The following CNTN5 variants were observed in gnomAD, a reference collection of about 807,000 sequenced individuals.
The protein encoded by CNTN5 is contactin 5.
CNTN5 carries 77 observed loss-of-function variants against 129.1 expected under a neutral mutation model. The observed-to-expected ratio is 0.60, with a 90% CI of 0.50 to 0.72. The LOEUF (loss-of-function observed/expected upper bound fraction) is 0.72. Among genes scored for constraint, CNTN5 ranks in the 30% least tolerant of loss-of-function variants. CNTN5 has a pLI of 0.00. For synonymous variants in CNTN5, 509 were observed against 465.6 expected, an observed-to-expected ratio of 1.09 and a Z score of -1.20; for missense variants, 1,478 against 1,328.8, an observed-to-expected ratio of 1.11 and a Z score of -1.75.
intron 1 of CNTN5, among the ~76,000 whole-genome samples, chr11:99,082,629 C>G (rs1216109448): frequency 6.6e-6 from 1 of 152,098 alleles, no homozygotes; most frequent in Admixed American, 6.5e-5. Context: ...AATTCTTTGG[C>G]CTGTGAGTTT....
At chr11:99,860,060 C>T (rs540367142) in intron 6 of CNTN5, among the ~76,000 whole-genome samples, 127 of 152,154 alleles carry the variant, frequency 8.3e-4, no homozygotes, top group Admixed American at 2.0e-3. Flanking sequence ...GATGGTATTT[C>T]ATTGTGATTT....
intron 16 of CNTN5, among the ~76,000 whole-genome samples, chr11:100,244,294 C>T (rs1156987031): frequency 1.3e-5 from 2 of 152,050 alleles, no homozygotes; most frequent in African/African-American, 4.8e-5. Context: ...TCATCTTTTT[C>T]CTCTTTAACT....
At chr11:99,917,979 T>A (rs571235568) in intron 7 of CNTN5, among the ~76,000 whole-genome samples, 57 of 152,090 alleles carry the variant, frequency 3.7e-4, no homozygotes, top group South Asian at 8.3e-4. Flanking sequence ...GATATGTTAT[T>A]ACCACAGCTG....
intron 2 of CNTN5, among the ~76,000 whole-genome samples, chr11:99,529,218 C>G (rs1271355909): frequency 1.3e-5 from 2 of 152,172 alleles, no homozygotes; most frequent in Admixed American, 1.3e-4. Context: ...AGATCTTCCC[C>G]ACCTGATCCA....
At position 100,334,034 on chromosome 11, in the gene CNTN5, A is replaced by G. The variant is rs549820427; in HGVS notation, c.2731-6429A>G. Among the ~76,000 whole-genome samples the G allele has an allele frequency of 5.3e-5, 8 of 152,352 alleles. No homozygotes were observed. The East Asian group carries it at 1.5e-3, about 29-fold the overall frequency. On this transcript the variant is annotated intron_variant, in intron 21 of 24. Transcript: ENST00000524871. Reference sequence around the variant, plus strand: ...GGGAGAGAATCTTCACAGTCTATACATCCAACAAAGGACTAATATCAGAAT... The same window carrying G: ...GGGAGAGAATCTTCACAGTCTATACGTCCAACAAAGGACTAATATCAGAAT...
intron 1 of CNTN5, among the ~76,000 whole-genome samples, chr11:99,185,638 T>G (rs1858306861): frequency 6.6e-6 from 1 of 151,664 alleles, no homozygotes; most frequent in East Asian, 1.9e-4. Flanking sequence ...TTTAAGGAAA[T>G]AAATGCACTA....
intron 1 of CNTN5, among the ~76,000 whole-genome samples, chr11:99,250,531 T>A (rs960589985): frequency 6.6e-6 from 1 of 151,478 alleles, no homozygotes; most frequent in Non-Finnish European, 1.5e-5. Context: ...ATATTAAAAA[T>A]CTAAGGAAAT....
intron 1 of CNTN5, among the ~76,000 whole-genome samples, chr11:99,168,779 C>G (rs1189654850): frequency 1.3e-5 from 2 of 152,060 alleles, no homozygotes; most frequent in Non-Finnish European, 2.9e-5. Flanking sequence ...AATGTGGCAA[C>G]TATTAATGCT....
intron 2 of CNTN5, among the ~76,000 whole-genome samples, chr11:99,513,541 C>T (rs976280700): frequency 5.9e-5 from 9 of 152,054 alleles, no homozygotes; most frequent in African/African-American, 2.2e-4. Context: ...TTGTTAAGGG[C>T]TAATGCAGCT....
In CNTN5 at chr11:100,224,802, T is replaced by A. The variant is rs1158415657; in HGVS notation, c.1995T>A (p.Leu665=). 6.2e-7 allele frequency: 1 copy of A among 1,613,066 alleles called. No individual in the cohort carries two copies. The highest frequency in any genetic ancestry group is 1.7e-5 in the Admixed American group (1 of 59,980). ...TADSVSDEAE[L]LVRGPPGPPG... Reference sequence around the variant, plus strand: ...ACAGTGTGTCAGATGAGGCAGAACTTCTTGTTAGGGGTGAGTATGCTAATA... The same window carrying A: ...ACAGTGTGTCAGATGAGGCAGAACTACTTGTTAGGGGTGAGTATGCTAATA... Residue 665 remains leucine, a synonymous_variant, in exon 16 of 25, where the codon CTT becomes CTA. Coordinates refer to ENST00000524871, the MANE Select transcript of CNTN5 (RefSeq NM_014361.4).
At chr11:99,137,956 A>C (rs1859318967) in intron 1 of CNTN5, among the ~76,000 whole-genome samples, 1 of 152,172 alleles carries the variant, frequency 6.6e-6, no homozygotes, top group Non-Finnish European at 1.5e-5. Context: ...TTTGTTCTGT[A>C]ACATAAAACT....
intron 1 of CNTN5, among the ~76,000 whole-genome samples, chr11:99,110,554 T>G (rs1321795123): frequency 6.6e-6 from 1 of 152,162 alleles, no homozygotes; most frequent in Non-Finnish European, 1.5e-5. Flanking sequence ...TGAATCACAC[T>G]ATTTCAAACA....
At chr11:99,719,736 C>A (rs1181767942) in intron 3 of CNTN5, among the ~76,000 whole-genome samples, 2 of 151,776 alleles carry the variant, frequency 1.3e-5, no homozygotes, top group African/African-American at 4.8e-5. Context: ...TTCAAGAGAT[C>A]AACAAATTCG....
chr11:100,101,314 T>A (rs1162284040), intron 13 of CNTN5, among the ~76,000 whole-genome samples: 1 of 152,112 alleles, frequency 6.6e-6, no homozygotes, highest in East Asian at 1.9e-4. Flanking sequence ...ACAGACATGA[T>A]ATTCTGACAG....
intron 3 of CNTN5, among the ~76,000 whole-genome samples, chr11:99,724,244 AT>A (rs1344270907): frequency 6.6e-6 from 1 of 152,000 alleles, no homozygotes; most frequent in Non-Finnish European, 1.5e-5. Context: ...TTTCTAAGAC[AT>A]TTCAAGTGGG....
intron 3 of CNTN5, among the ~76,000 whole-genome samples, chr11:99,683,643 AG>A (rs1398608283): frequency 6.6e-6 from 1 of 151,796 alleles, no homozygotes; most frequent in Non-Finnish European, 1.5e-5. Flanking sequence ...AAATTGTAAA[AG>A]TTTGCCAGTT....
chr11:99,021,914 G>C (rs971209663), intron 1 of CNTN5, among the ~76,000 whole-genome samples: 1 of 152,140 alleles, frequency 6.6e-6, no homozygotes, highest in Admixed American at 6.5e-5. Context: ...ATATCAATTT[G>C]CACATACACA....
At chr11:99,172,877 A>G (rs937249027) in intron 1 of CNTN5, among the ~76,000 whole-genome samples, 2 of 152,190 alleles carry the variant, frequency 1.3e-5, no homozygotes, top group Admixed American at 1.3e-4. Context: ...ATTTAAGTAT[A>G]ATTCTTGTAT....
intron 3 of CNTN5, among the ~76,000 whole-genome samples, chr11:99,740,930 G>A (rs1391691548): frequency 6.6e-6 from 1 of 152,090 alleles, no homozygotes; most frequent in Non-Finnish European, 1.5e-5. Context: ...TTTCTGCTCA[G>A]CTTAAATGCT....
Sources: gnomAD v4.1 joint callset for allele counts (sites outside exome capture counted in the v4.1 genomes callset) on GRCh38, gnomAD v4.1.1 for gene constraint, MANE v1.5 for transcripts, NCBI Gene and HGNC (gene_info 2026-07-23, HGNC 2026-07-21) for gene names.